The following SLC4A4 variants were observed in gnomAD, a reference collection of about 807,000 sequenced individuals.
SLC4A4 encodes the protein solute carrier family 4 member 4.
A neutral mutation model predicts 111.5 loss-of-function variants in SLC4A4; 27 were observed. The ratio of observed to expected loss-of-function variants is 0.24; its 90% CI spans 0.18 to 0.33. SLC4A4 has a LOEUF of 0.33. SLC4A4 is among the 10% of genes least tolerant of loss of function. SLC4A4 has a pLI of 1.00. For synonymous variants in SLC4A4, 443 were observed against 463.4 expected (o/e 0.96, Z 0.57); for missense variants, 909 against 1,315.5 (o/e 0.69, Z 4.78).
intron 6 of SLC4A4, among the ~76,000 whole-genome samples, chr4:71,374,051 C>A (rs372540036): frequency 6.6e-6 from 1 of 152,192 alleles, no homozygotes; most frequent in African/African-American, 2.4e-5. Context: ...GGTTACCCAT[C>A]ATGGGCCAAG....
At chr4:71,353,922 T>G (rs989761918) in intron 5 of SLC4A4, among the ~76,000 whole-genome samples, 2 of 152,228 alleles carry the variant, frequency 1.3e-5, no homozygotes, top group African/African-American at 4.8e-5. Flanking sequence ...CGCGACTGTT[T>G]AAGCAGGTGT....
intron 2 of SLC4A4, among the ~76,000 whole-genome samples, chr4:71,134,162 AT>A (rs1743783083): frequency 6.6e-6 from 1 of 152,248 alleles, no homozygotes; most frequent in African/African-American, 2.4e-5. Flanking sequence ...TAACGTGGTT[AT>A]ATTATGAAAT....
At chr4:71,541,410 A>C (rs1280931426) in intron 18 of SLC4A4, among the ~76,000 whole-genome samples, 6 of 152,126 alleles carry the variant, frequency 3.9e-5, no homozygotes, top group African/African-American at 1.4e-4. Flanking sequence ...GAGCACTGAA[A>C]GGAGAGAATG....
At chr4:71,149,912 T>C (rs1744270272) in intron 2 of SLC4A4, among the ~76,000 whole-genome samples, 1 of 152,194 alleles carries the variant, frequency 6.6e-6, no homozygotes. Flanking sequence ...CTTAACTTAA[T>C]TTTTGATCAA....
At chr4:71,135,044 C>G (rs1215286694) in intron 2 of SLC4A4, among the ~76,000 whole-genome samples, 1 of 152,024 alleles carries the variant, frequency 6.6e-6, no homozygotes, top group African/African-American at 2.4e-5. Flanking sequence ...CTCCGATAAG[C>G]CTTTAAGTAA....
intron 8 of SLC4A4, among the ~76,000 whole-genome samples, chr4:71,442,305 A>G (rs1413511344): frequency 6.6e-6 from 1 of 152,226 alleles, no homozygotes; most frequent in African/African-American, 2.4e-5. Flanking sequence ...GGGCTAGTGT[A>G]GAGGTAAAAT....
intron 24 of SLC4A4, among the ~76,000 whole-genome samples, chr4:71,564,571 T>C (rs563932331): frequency 6.6e-6 from 1 of 151,894 alleles, no homozygotes; most frequent in African/African-American, 2.4e-5. Context: ...GTAATATTAG[T>C]GACCATTTCA....
Position 71,501,486 on chromosome 4 carries a change from A to G in SLC4A4, c.2166+3794A>G, listed in dbSNP as rs150522746. Among the ~76,000 whole-genome samples the G allele has an allele frequency of 1.3e-3, 200 of 151,434 alleles. 6 individuals carry two copies. The East Asian group carries it at 0.036, about 27-fold the overall frequency. ...TTAGTTTGTTGTTGTATAATTGTTC[A>G]TAAGTATCTCTTAGAGTTTTTTTTA... On this transcript the variant is annotated intron_variant, in intron 16 of 25. Transcript: ENST00000264485.
At chr4:71,171,165 T>C (rs113514772) in intron 2 of SLC4A4, among the ~76,000 whole-genome samples, 1 of 150,726 alleles carries the variant, frequency 6.6e-6, no homozygotes, top group Admixed American at 6.6e-5. Flanking sequence ...TTTTGTTTTT[T>C]TTTTTTTTTT....
chr4:71,180,494 C>G (rs1745253874), intron 2 of SLC4A4, among the ~76,000 whole-genome samples: 1 of 152,092 alleles, frequency 6.6e-6, no homozygotes, highest in South Asian at 2.1e-4. Flanking sequence ...TGAACTCCAA[C>G]AAATTTACAA....
chr4:71,195,321 A>C (rs1745943484), intron 1 of SLC4A4, among the ~76,000 whole-genome samples: 1 of 147,084 alleles, frequency 6.8e-6, no homozygotes, highest in African/African-American at 2.6e-5. Context: ...TGTGGTACTC[A>C]GAATACTGAG....
At chr4:71,352,764 C>CA (rs1262887998) in intron 5 of SLC4A4, among the ~76,000 whole-genome samples, 1 of 152,194 alleles carries the variant, frequency 6.6e-6, no homozygotes, top group Admixed American at 6.5e-5. Context: ...GATATTTCTG[C>CA]ATGTCACCTA....
intron 7 of SLC4A4, among the ~76,000 whole-genome samples, chr4:71,429,186 A>G (rs1483319375): frequency 2.6e-5 from 4 of 152,118 alleles, no homozygotes; most frequent in Admixed American, 1.3e-4. Context: ...TATCCCACCC[A>G]TATAGATAAC....
intron 2 of SLC4A4, among the ~76,000 whole-genome samples, chr4:71,120,891 C>T (rs1249058484): frequency 2.0e-5 from 3 of 152,312 alleles, no homozygotes; most frequent in East Asian, 1.9e-4. Flanking sequence ...TGGTCGAGGC[C>T]GGAGCCGGCT....
chr4:71,434,213 G>A (rs1723902319), intron 7 of SLC4A4, among the ~76,000 whole-genome samples: 1 of 152,034 alleles, frequency 6.6e-6, no homozygotes, highest in African/African-American at 2.4e-5. Context: ...CATGACGTAA[G>A]GGTAAGATCT....
intron 13 of SLC4A4, among the ~76,000 whole-genome samples, chr4:71,467,523 G>C (rs191628064): frequency 4.6e-5 from 7 of 152,182 alleles, no homozygotes; most frequent in Admixed American, 4.6e-4. Context: ...ACAAGCACAG[G>C]AACAATAAGT....
At chr4:71,553,182 T>C (rs993787587) in intron 20 of SLC4A4, among the ~76,000 whole-genome samples, 12 of 151,932 alleles carry the variant, frequency 7.9e-5, no homozygotes, top group Non-Finnish European at 1.2e-4. Flanking sequence ...ATATGTATTA[T>C]TTCCTTTTCA....
chr4:71,125,935 G>A (rs1163402741), intron 2 of SLC4A4, among the ~76,000 whole-genome samples: 1 of 152,134 alleles, frequency 6.6e-6, no homozygotes, highest in Non-Finnish European at 1.5e-5. Context: ...CAAAAAAGTA[G>A]CAATATTCTT....
chr4:71,358,332 G>C (rs924961714), intron 6 of SLC4A4, among the ~76,000 whole-genome samples: 1 of 151,222 alleles, frequency 6.6e-6, no homozygotes, highest in Non-Finnish European at 1.5e-5. Flanking sequence ...AAAAAAAAGA[G>C]AGAGAGAGAT....
Sources: allele counts gnomAD v4.1 joint callset (sites outside exome capture counted in the v4.1 genomes callset), GRCh38; gene constraint gnomAD v4.1.1; transcripts MANE v1.5; gene names NCBI Gene and HGNC (gene_info 2026-07-23, HGNC 2026-07-21).